Variants in PAPOLG observed in about 807,000 individuals in gnomAD.
PAPOLG encodes the protein PAP-gamma.
In PAPOLG, 40 loss-of-function variants were observed where a neutral mutation model predicts 99.0. The ratio of observed to expected loss-of-function variants is 0.40; its 90% CI spans 0.31 to 0.53. The LOEUF (loss-of-function observed/expected upper bound fraction) is 0.53, where lower values mean the gene tolerates loss of function less well. Ranked by LOEUF, PAPOLG falls within the 20% of genes least tolerant of loss-of-function variation. PAPOLG has a pLI of 0.41. For missense variants in PAPOLG, 675 were observed against 884.1 expected, an observed-to-expected ratio of 0.76 and a Z score of 3.00; for synonymous variants, 310 against 299.3, an observed-to-expected ratio of 1.04 and a Z score of -0.37.
Position 60,792,114 on chromosome 2 carries a change from G to C in PAPOLG, c.1519-15G>C. The C allele has an allele frequency of 6.4e-7, 1 of 1,567,308 alleles. No individual in the cohort carries two copies. The highest frequency in any genetic ancestry group is 8.6e-7 in the Non-Finnish European group (1 of 1,162,450). ...ATTTGCATTTTGAAATCCTAAAATC[G>C]TTCCCTTCTTTCAGCAAAGTCTCTC... On this transcript the variant is annotated splice_polypyrimidine_tract_variant and intron_variant, in intron 16 of 21. Coordinates refer to ENST00000238714, the MANE Select transcript of PAPOLG (RefSeq NM_022894.4).
Position 60,801,969 on chromosome 2 carries a change from G to C in PAPOLG, c.*4809G>C, listed in dbSNP as rs181402238. On this transcript the variant is annotated 3_prime_UTR_variant, in exon 22 of 22. Coordinates refer to ENST00000238714, the MANE Select transcript of PAPOLG (RefSeq NM_022894.4). Reference sequence around the variant, plus strand: ...GCTGTTCCTTTCTAGCTAGCTGTTTGTGTAGTTCATATTAATTTACCCTGC... The same window carrying C: ...GCTGTTCCTTTCTAGCTAGCTGTTTCTGTAGTTCATATTAATTTACCCTGC... 1 of 152,366 alleles carries C rather than the reference G, an allele frequency of 6.6e-6. No individual in the cohort carries two copies. Among genetic ancestry groups the C allele is most frequent in the Non-Finnish European group, 1.5e-5 (1 of 68,012 alleles). 9.4% of individuals were successfully genotyped at this position (152,366 alleles called of 1,614,324 possible). A position where few individuals can be genotyped will look rare whatever the true frequency, so the allele number is the denominator to read the frequency against.
chr2:60,761,845 A>T (rs376824775), intron 3 of PAPOLG, 38 bp downstream of exon 3: 141 of 1,427,016 alleles, frequency 9.9e-5, no homozygotes, highest in Non-Finnish European at 1.3e-4. Context: ...TGTTTTTATT[A>T]TATCTTGGCC....
intron 7 of PAPOLG, among the ~76,000 whole-genome samples, chr2:60,773,924 G>A (rs1670932254): frequency 6.6e-6 from 1 of 152,070 alleles, no homozygotes; most frequent in South Asian, 2.1e-4. Context: ...TAGTTTATCT[G>A]CCAGTTATTT....
At chr2:60,789,495 T>G (rs1288591628) in intron 15 of PAPOLG, among the ~76,000 whole-genome samples, 1 of 152,090 alleles carries the variant, frequency 6.6e-6, no homozygotes, top group South Asian at 2.1e-4. Context: ...TTGGCCTCTT[T>G]AAAGTGCTGG....
intron 15 of PAPOLG, among the ~76,000 whole-genome samples, chr2:60,789,861 G>A (rs535463619): frequency 1.8e-4 from 27 of 152,094 alleles, no homozygotes; most frequent in Non-Finnish European, 2.8e-4. Flanking sequence ...AGGCCAAGGC[G>A]GGCAAATTAC....
chr2:60,782,094 TAG>T (rs1205338767), intron 11 of PAPOLG, 89 bp downstream of exon 11: 1 of 1,333,242 alleles, frequency 7.5e-7, no homozygotes, highest in Non-Finnish European at 1.1e-6. Flanking sequence ...GATTGGCAGT[TAG>T]AGTTATACCT....
intron 10 of PAPOLG, 147 bp from the exon 11 acceptor site, chr2:60,781,738 T>C (rs1349227551): frequency 1.0e-6 from 1 of 991,948 alleles, no homozygotes; most frequent in Non-Finnish European, 1.5e-6. Context: ...CAGAAATAAA[T>C]GCAGTTGGGG....
rs574428234 is a variant in PAPOLG, at chr2:60,793,599, A to G, written c.1680-28A>G. 34 of 1,608,224 alleles carry G rather than the reference A, an allele frequency of 2.1e-5. 1 individual carries two copies. Among genetic ancestry groups the G allele is most frequent in the African/African-American group, 6.7e-5 (5 of 74,438 alleles). On this transcript the variant is annotated intron_variant, in intron 17 of 21. Transcript: ENST00000238714. Reference sequence around the variant, plus strand: ...AAAAAAAGTAATATTTAAATCATTTATTGATGATAATTTAACACTTTCATT... The same window carrying G: ...AAAAAAAGTAATATTTAAATCATTTGTTGATGATAATTTAACACTTTCATT...
intron 7 of PAPOLG, among the ~76,000 whole-genome samples, chr2:60,773,713 AC>A (rs1553377440): frequency 4.4e-4 from 67 of 152,012 alleles, no homozygotes; most frequent in Admixed American, 9.2e-4. Flanking sequence ...AAAAAAAAAA[AC>A]CAGCAGTCAT....
intron 13 of PAPOLG, among the ~76,000 whole-genome samples, chr2:60,786,479 C>T (rs1671365649): frequency 6.6e-6 from 1 of 151,996 alleles, no homozygotes; most frequent in Admixed American, 6.6e-5. Flanking sequence ...GATCTGTGCA[C>T]CTCAGTCTTC....
chr2:60,763,231 T>C (rs1174014991), intron 3 of PAPOLG, among the ~76,000 whole-genome samples: 1 of 151,970 alleles, frequency 6.6e-6, no homozygotes, highest in Non-Finnish European at 1.5e-5. Flanking sequence ...AATGCACAAT[T>C]GTGCTTGGCT....
chr2:60,771,970 T>A (rs1265986054), intron 7 of PAPOLG, among the ~76,000 whole-genome samples: 1 of 152,098 alleles, frequency 6.6e-6, no homozygotes, highest in Admixed American at 6.5e-5. Flanking sequence ...TAAAAAGTAC[T>A]TATTCATTTA....
rs1304359015 is a variant in PAPOLG at position 60,771,571 on chromosome 2, A to C, written c.545A>C (p.Asp182Ala). ...ATACAAACCATATCAGATAATTTAG[A>C]TCTAAGAGACGACTCTCGCCTGAGA... ...LAIQTISDNL[D>A]LRDDSRLRSL... The change falls in exon 7 of 22, where the codon GAT (aspartate) becomes GCT (alanine). Residue 182 changes from aspartate (D) to alanine (A), a missense_variant. Asp to Ala is a moderately radical substitution (Grantham distance 126). This residue lies in a region of PAPOLG where 113 missense variants were observed against 231.5 expected (regional missense o/e 0.49). Coordinates refer to ENST00000238714, the MANE Select transcript of PAPOLG (RefSeq NM_022894.4). 1.2e-6 allele frequency: 2 copies of C among 1,608,752 alleles called. No individual in the cohort carries two copies. The highest frequency in any genetic ancestry group is 2.7e-5 in the African/African-American group (2 of 74,462).
At chr2:60,768,753 CTTAA>C (rs1198953129) in intron 4 of PAPOLG, 24 bp from the exon 5 acceptor site, 1 of 1,497,762 alleles carries the variant, frequency 6.7e-7, no homozygotes, top group Non-Finnish European at 9.0e-7. Context: ...ATAATATATT[CTTAA>C]TTAAGAACTA....
At chr2:60,796,208 CTTTTTTTTTTTTTTTTT>C (rs66526788) in intron 21 of PAPOLG, among the ~76,000 whole-genome samples, 1 of 110,316 alleles carries the variant, frequency 9.1e-6, no homozygotes, top group East Asian at 2.5e-4. Context: ...TTTTGCCTTC[CTTTTTTTTTTTTTTTTT>C]TTTTTTTTTG....
intron 18 of PAPOLG, 113 bp from the exon 19 acceptor site, chr2:60,793,858 C>T: frequency 1.4e-6 from 2 of 1,404,898 alleles, no homozygotes; most frequent in African/African-American, 1.4e-5. Context: ...CTGCAGTGAG[C>T]TGTGATCAAG....
Position 60,768,698 on chromosome 2 carries a change from C to G in PAPOLG, c.329-83C>G, listed in dbSNP as rs1490341104. The G allele has an allele frequency of 3.6e-6, 5 of 1,373,248 alleles. No homozygotes were observed. In the Admixed American group the frequency reaches 7.6e-5, roughly 21 times the overall value. The allele number at this position is 1,373,248 out of a possible 1,614,324, so 85.1% of individuals were successfully genotyped here. On this transcript the variant is annotated intron_variant, in intron 4 of 21. Coordinates refer to ENST00000238714, the MANE Select transcript of PAPOLG (RefSeq NM_022894.4). ...TTCTTGTACTCAACTTCCATACTTTCTTCTGTACATATGTTTGTGTGTACT... is the reference window on the plus strand; with the variant it reads ...TTCTTGTACTCAACTTCCATACTTTGTTCTGTACATATGTTTGTGTGTACT...
At position 60,783,946 on chromosome 2, in the gene PAPOLG, A is replaced by G. The variant is rs575053913; in HGVS notation, c.1166+737A>G. Among the ~76,000 whole-genome samples the G allele has an allele frequency of 7.2e-5, 11 of 152,268 alleles. No homozygotes were observed. The East Asian group carries it at 2.1e-3, about 29-fold the overall frequency. ...TTGAGCTAGTTTGGATGATTCTGAT[A>G]GCTACCATCTGAGTTTCTCTTTTCT... On this transcript the variant is annotated intron_variant, in intron 13 of 21. Coordinates refer to ENST00000238714, the MANE Select transcript of PAPOLG (RefSeq NM_022894.4).
In PAPOLG at chr2:60,787,569, G is replaced by C; in HGVS notation, c.1345G>C (p.Glu449Gln). ...AATTTTTCGGAGAGTAGAAAATGCA[G>C]AAAGTGTCAACATAGACTTGACATA... ...GIIFRRVENA[E>Q]SVNIDLTYDI... The change falls in exon 15 of 22, where the codon GAA becomes CAA. Residue 449 changes from glutamate (E) to glutamine (Q), a missense_variant. Transcript: ENST00000238714. The C allele has an allele frequency of 6.2e-7, 1 of 1,614,104 alleles. No individual in the cohort carries two copies. The highest frequency in any genetic ancestry group is 8.5e-7 in the Non-Finnish European group (1 of 1,179,992).
Sources: gnomAD v4.1 joint callset for allele counts (sites outside exome capture counted in the v4.1 genomes callset) on GRCh38, gnomAD v4.1.1 for gene constraint, gnomAD v4.1.1 regional missense constraint, MANE v1.5 for transcripts, NCBI Gene and HGNC (gene_info 2026-07-23, HGNC 2026-07-21) for gene names.